STARD9: variants seen among roughly 807,000 people sequenced by gnomAD.
The protein encoded by STARD9 is stAR-related lipid transfer protein 9.
Under a neutral mutation model 399.8 loss-of-function variants are expected in STARD9, and 346 were observed. The observed-to-expected ratio is 0.87, with a 90% CI of 0.79 to 0.95. STARD9 has a LOEUF of 0.95. Among genes scored for constraint, STARD9 ranks in the 40% least tolerant of loss-of-function variants. The pLI is 0.00. For missense variants in STARD9, 5,832 were observed against 5,667.5 expected (o/e 1.03, Z -0.93); for synonymous variants, 2,203 against 2,143.5 (o/e 1.03, Z -0.77).
At chr15:42,649,840 G>A (rs1242421207) in intron 7 of STARD9, among the ~76,000 whole-genome samples, 2 of 150,666 alleles carry the variant, frequency 1.3e-5, no homozygotes, top group Admixed American at 6.6e-5. Context: ...TGGGATTACA[G>A]GCATGAGGCA....
intron 3 of STARD9, among the ~76,000 whole-genome samples, chr15:42,616,023 C>T (rs771776965): frequency 4.6e-5 from 7 of 151,776 alleles, no homozygotes; most frequent in Non-Finnish European, 1.0e-4. Flanking sequence ...TTGGGGTGAG[C>T]TTTTTCTCAA....
intron 26 of STARD9, among the ~76,000 whole-genome samples, chr15:42,699,792 C>T (rs538133561): frequency 2.6e-5 from 4 of 152,114 alleles, no homozygotes; most frequent in South Asian, 4.2e-4. Flanking sequence ...CTGCAACCTC[C>T]GTCTCCCGGG....
Position 42,686,052 on chromosome 15 carries a change from C to G in STARD9, c.4474C>G (p.Leu1492Val). The G allele has an allele frequency of 6.5e-7, 1 of 1,537,292 alleles. No individual in the cohort carries two copies. The highest frequency in any genetic ancestry group is 8.7e-7 in the Non-Finnish European group (1 of 1,146,902). Residue 1492 changes from leucine to valine, a missense_variant, in exon 23 of 33, where the codon CTC becomes GTC. This residue lies in a region of STARD9 where 5,828 missense variants were observed against 5,651.1 expected (regional missense o/e 1.03). Coordinates refer to ENST00000290607, the MANE Select transcript of STARD9 (RefSeq NM_020759.3). The stretch of plus-strand genomic sequence containing the variant: ...TTGGTCTGCCCTTCAGCAGAAGTAC[C>G]TCCTTGAACTCTCTTGTCCTGTTTT... ...RDWSALQQKY[L>V]LELSCPVLEA... is the part of the protein sequence containing the mutation.
chr15:42,682,481 A>G lies in STARD9; in HGVS notation c.2443A>G (p.Thr815Ala), dbSNP rs1260050328. Residue 815 changes from threonine to alanine, a missense_variant, in exon 22 of 33, where the codon ACA (threonine) becomes GCA (alanine). Physicochemically the swap from Thr to Ala is moderately conservative, Grantham distance 58. Coordinates refer to ENST00000290607, the MANE Select transcript of STARD9 (RefSeq NM_020759.3). ...ATACCAGGTCCTCAGCCCTGATGCC[A>G]CAGTCCCACGGCCTCCATGTAGAAG... ...PPYQVLSPDA[T>A]VPRPPCRSKL... 4 of 1,537,072 alleles carry G rather than the reference A, an allele frequency of 2.6e-6. No homozygotes were observed. Among genetic ancestry groups the G allele is most frequent in the African/African-American group, 2.7e-5 (2 of 73,030 alleles).
In STARD9 at chr15:42,717,720, T is replaced by C. The variant is rs371804406; in HGVS notation, c.13495-11T>C. The C allele has an allele frequency of 5.2e-6, 8 of 1,537,052 alleles. No individual in the cohort carries two copies. The African/African-American group carries it at 6.8e-5, about 13-fold the overall frequency. On this transcript the variant is annotated splice_polypyrimidine_tract_variant and intron_variant, in intron 28 of 32. Coordinates refer to ENST00000290607, the MANE Select transcript of STARD9 (RefSeq NM_020759.3). ...TGCCTCCTAATTTGGGTGTGGCCAT[T>C]GTGTCCCCAGGTAATGGCTGCTTGT...
intron 26 of STARD9, among the ~76,000 whole-genome samples, chr15:42,696,632 G>A (rs1234933814): frequency 1.3e-5 from 2 of 152,202 alleles, no homozygotes; most frequent in Non-Finnish European, 2.9e-5. Flanking sequence ...GCAGCTGTGG[G>A]AGACCTCCTA....
In STARD9 at chr15:42,718,167, A is replaced by G. The variant is rs774998368; in HGVS notation, c.13750A>G (p.Ser4584Gly). The G allele has an allele frequency of 9.8e-6, 15 of 1,536,652 alleles. 1 individual carries two copies. Among genetic ancestry groups the G allele is most frequent in the Middle Eastern group, 1.7e-4 (1 of 5,734 alleles). ...AAGGCTGCATCAGCGAGTGACCAAC[A>G]GCATCAGCCTGGGTGAGCCCAGGGA... ...TARLHQRVTN[S>G]ISLVYLVCNT... Residue 4584 changes from serine to glycine, a missense_variant, in exon 30 of 33, where the codon AGC becomes GGC. Physicochemically the swap from Ser to Gly is moderately conservative, Grantham distance 56 (BLOSUM62 0). Coordinates refer to ENST00000290607, the MANE Select transcript of STARD9 (RefSeq NM_020759.3).
intron 3 of STARD9, among the ~76,000 whole-genome samples, chr15:42,596,437 C>T (rs2058506224): frequency 1.3e-5 from 2 of 152,264 alleles, no homozygotes; most frequent in East Asian, 3.9e-4. Flanking sequence ...CTTTGAGAGT[C>T]TTTGGACAAA....
intron 26 of STARD9, among the ~76,000 whole-genome samples, chr15:42,715,219 C>T (rs1441988802): frequency 6.6e-6 from 1 of 152,176 alleles, no homozygotes; most frequent in Non-Finnish European, 1.5e-5. Flanking sequence ...CATGATCCAG[C>T]CACACGGACA....
At chr15:42,709,557 C>T (rs1310422456) in intron 26 of STARD9, among the ~76,000 whole-genome samples, 3 of 152,098 alleles carry the variant, frequency 2.0e-5, no homozygotes, top group Non-Finnish European at 2.9e-5. Context: ...TGGTGGCACA[C>T]GCCTGTAGAC....
At position 42,686,531 on chromosome 15, in the gene STARD9, G is replaced by GA; in HGVS notation, c.4955dup (p.Asn1653GlufsTer6). On this transcript the variant is annotated frameshift_variant, in exon 23 of 33. Coordinates refer to ENST00000290607, the MANE Select transcript of STARD9 (RefSeq NM_020759.3). LOFTEE classifies it high-confidence loss of function. ...CTTCCTCTGATGAGGATTTTTTCCA[G>GA]AAGAACGCTTGTCACAGTAATGTCA... The GA allele has an allele frequency of 6.5e-7, 1 of 1,537,674 alleles. No individual in the cohort carries two copies. Among genetic ancestry groups the GA allele is most frequent in the South Asian group, 1.2e-5 (1 of 84,056 alleles).
chr15:42,665,386 CTT>C, intron 14 of STARD9, 56 bp downstream of exon 14: 1 of 1,402,578 alleles, frequency 7.1e-7, no homozygotes, highest in Non-Finnish European at 9.7e-7. Context: ...TTCTGAGCCT[CTT>C]TTCTTCTCCA....
chr15:42,627,605 C>A (rs1303235360), intron 3 of STARD9, among the ~76,000 whole-genome samples: 1 of 152,186 alleles, frequency 6.6e-6, no homozygotes, highest in Non-Finnish European at 1.5e-5. Flanking sequence ...CGCCACTGCC[C>A]TTCCCAGCCT....
chr15:42,611,324 G>C (rs1458373424), intron 3 of STARD9, among the ~76,000 whole-genome samples: 1 of 152,172 alleles, frequency 6.6e-6, no homozygotes, highest in East Asian at 1.9e-4. Flanking sequence ...TCTGGCTCTT[G>C]ATAGAAAAAG....
rs2058566057 is a variant in STARD9 at position 42,598,800 on chromosome 15, GCTTA to G, written c.234+13167_234+13170del. On this transcript the variant is annotated intron_variant, in intron 3 of 32. Coordinates refer to ENST00000290607, the MANE Select transcript of STARD9 (RefSeq NM_020759.3). ...TCTTACTGTATTATTGTATACTAGA[GCTTA>G]CTTCTTCTAACACAGTACCGTTTAT... Among the ~76,000 whole-genome samples the G allele has an allele frequency of 2.6e-5, 4 of 152,188 alleles. No individual in the cohort carries two copies. In the South Asian group the frequency reaches 6.2e-4, roughly 24 times the overall value.
chr15:42,592,076 A>C (rs1415681964), intron 3 of STARD9, among the ~76,000 whole-genome samples: 1 of 152,186 alleles, frequency 6.6e-6, no homozygotes, highest in Non-Finnish European at 1.5e-5. Context: ...CCTACTAGTG[A>C]TCTGATCATC....
At chr15:42,635,282 T>G (rs2059398543) in intron 4 of STARD9, among the ~76,000 whole-genome samples, 2 of 151,978 alleles carry the variant, frequency 1.3e-5, no homozygotes, top group African/African-American at 4.8e-5. Context: ...AAAATGAGTT[T>G]TTCAGCATTT....
At chr15:42,625,188 G>A (rs894206433) in intron 3 of STARD9, among the ~76,000 whole-genome samples, 8 of 151,592 alleles carry the variant, frequency 5.3e-5, no homozygotes, top group South Asian at 4.2e-4. Flanking sequence ...CACCACACCC[G>A]GCTAATTTTT....
chr15:42,576,427 C>T (rs921387983), intron 1 of STARD9, among the ~76,000 whole-genome samples: 1 of 152,168 alleles, frequency 6.6e-6, no homozygotes, highest in Non-Finnish European at 1.5e-5. Context: ...ACTTTTTTCT[C>T]TTTGTCACCA....
Sources: allele counts gnomAD v4.1 joint callset (sites outside exome capture counted in the v4.1 genomes callset), GRCh38; gene constraint gnomAD v4.1.1; regional missense constraint gnomAD v4.1.1; transcripts MANE v1.5; gene names NCBI Gene and HGNC (gene_info 2026-07-23, HGNC 2026-07-21).